The following TMTC1 variants were observed in gnomAD, a reference collection of about 807,000 sequenced individuals.
TMTC1 encodes the protein protein O-mannosyl-transferase TMTC1.
In TMTC1, 73 loss-of-function variants were observed where a neutral mutation model predicts 104.8. The ratio of observed to expected loss-of-function variants is 0.70; its 90% CI spans 0.58 to 0.85. TMTC1 has a LOEUF of 0.85. TMTC1 is among the 40% of genes least tolerant of loss of function. The probability of loss-of-function intolerance (pLI) is 0.00; values close to 1 mark genes in which losing one functional copy is unlikely to be tolerated. For synonymous variants in TMTC1, 434 were observed against 428.7 expected (o/e 1.01, Z -0.15); for missense variants, 1,035 against 1,096.1 (o/e 0.94, Z 0.79).
chr12:29,561,655 G>A (rs1945380398), intron 9 of TMTC1, among the ~76,000 whole-genome samples: 1 of 151,880 alleles, frequency 6.6e-6, no homozygotes, highest in African/African-American at 2.4e-5. Flanking sequence ...TGAATTTTAT[G>A]TCAGTTATTT....
At chr12:29,536,740 G>A (rs187640139) in intron 10 of TMTC1, among the ~76,000 whole-genome samples, 2 of 151,834 alleles carry the variant, frequency 1.3e-5, no homozygotes, top group East Asian at 3.9e-4. Context: ...TGCAGGCTGA[G>A]CTCCTAGGGT....
At position 29,572,095 on chromosome 12, in the gene TMTC1, T is replaced by C. The variant is rs1422240397; in HGVS notation, c.1532+10A>G. On this transcript the variant is annotated intron_variant, in intron 9 of 17. Transcript: ENST00000539277. ...CACCAAGGCCAACACCCTCCCTGTG[T>C]GGCGCTTACTTGAGAGCTGTTCTGT... The C allele has an allele frequency of 1.2e-6, 2 of 1,609,228 alleles. No homozygotes were observed. Among genetic ancestry groups the C allele is most frequent in the South Asian group, 2.2e-5 (2 of 90,950 alleles).
intron 11 of TMTC1, among the ~76,000 whole-genome samples, chr12:29,523,210 T>C (rs1944233307): frequency 6.6e-6 from 1 of 152,208 alleles, no homozygotes; most frequent in South Asian, 2.1e-4. Context: ...AAATTAAATG[T>C]AACAAAGTTT....
At chr12:29,746,858 T>C (rs937143809) in intron 5 of TMTC1, among the ~76,000 whole-genome samples, 1 of 152,206 alleles carries the variant, frequency 6.6e-6, no homozygotes, top group African/African-American at 2.4e-5. Flanking sequence ...TCGTTTTATG[T>C]AGAAATATCA....
At chr12:29,692,254 T>C (rs1439443104) in intron 5 of TMTC1, among the ~76,000 whole-genome samples, 1 of 145,448 alleles carries the variant, frequency 6.9e-6, no homozygotes, top group African/African-American at 2.5e-5. Context: ...TTGCTTCCCA[T>C]CAACATCATC....
At chr12:29,663,970 G>A (rs1311962258) in intron 5 of TMTC1, among the ~76,000 whole-genome samples, 1 of 151,874 alleles carries the variant, frequency 6.6e-6, no homozygotes, top group Non-Finnish European at 1.5e-5. Flanking sequence ...GGCGGATCAC[G>A]AGGTCAGGAG....
chr12:29,539,590 C>A (rs138177339), intron 10 of TMTC1, among the ~76,000 whole-genome samples: 2 of 152,196 alleles, frequency 1.3e-5, no homozygotes, highest in African/African-American at 4.8e-5. Flanking sequence ...GCTACTCCAG[C>A]GAAACTGGGT....
intron 5 of TMTC1, among the ~76,000 whole-genome samples, chr12:29,670,348 T>C (rs1331834777): frequency 6.6e-6 from 1 of 152,210 alleles, no homozygotes; most frequent in Non-Finnish European, 1.5e-5. Context: ...GGCATGGTTC[T>C]AATGCCTGTA....
intron 1 of TMTC1, among the ~76,000 whole-genome samples, chr12:29,777,544 A>G (rs1455196313): frequency 6.6e-6 from 1 of 152,164 alleles, no homozygotes; most frequent in Non-Finnish European, 1.5e-5. Context: ...GGACTCACCT[A>G]TAAAAACCCT....
intron 11 of TMTC1, chr12:29,533,245 C>A (rs1308236864): frequency 6.6e-6 from 1 of 152,000 alleles, no homozygotes; most frequent in Admixed American, 6.6e-5. Context: ...TTGTCAAATC[C>A]CCTACTTTGC....
intron 1 of TMTC1, among the ~76,000 whole-genome samples, chr12:29,771,345 A>G (rs1943589747): frequency 6.6e-6 from 1 of 152,206 alleles, no homozygotes; most frequent in Admixed American, 6.6e-5. Flanking sequence ...AATCTAGATT[A>G]AAACTGTACA....
chr12:29,554,453 C>T (rs78935556), intron 10 of TMTC1, among the ~76,000 whole-genome samples: 2,451 of 151,890 alleles, frequency 0.016, 68 homozygotes, highest in African/African-American at 0.056. Flanking sequence ...TTTAGCAAGA[C>T]GTTAGCGAGT....
At chr12:29,638,118 T>A (rs1565728616) in intron 5 of TMTC1, among the ~76,000 whole-genome samples, 1 of 152,084 alleles carries the variant, frequency 6.6e-6, no homozygotes, top group Non-Finnish European at 1.5e-5. Flanking sequence ...ACCCTCAGGC[T>A]TGGGCTCACG....
At chr12:29,773,424 AC>A (rs869232955) in intron 1 of TMTC1, among the ~76,000 whole-genome samples, 1 of 5,400 alleles carries the variant, frequency 1.9e-4, no homozygotes, top group East Asian at 0.17. Context: ...TTTAGGAAAA[AC>A]AAAACAAAAC....
intron 7 of TMTC1, among the ~76,000 whole-genome samples, chr12:29,589,775 T>C (rs1190461348): frequency 2.6e-5 from 4 of 152,200 alleles, no homozygotes; most frequent in Non-Finnish European, 4.4e-5. Flanking sequence ...CGGTAGGCAC[T>C]GTGCTAAGTG....
intron 7 of TMTC1, among the ~76,000 whole-genome samples, chr12:29,590,392 T>C (rs1368550075): frequency 6.6e-6 from 1 of 152,214 alleles, no homozygotes; most frequent in African/African-American, 2.4e-5. Context: ...AGCTTAACAA[T>C]GGATAGCCAA....
chr12:29,598,472 C>A (rs997661441), intron 7 of TMTC1, among the ~76,000 whole-genome samples: 5 of 152,206 alleles, frequency 3.3e-5, no homozygotes, highest in African/African-American at 9.6e-5. Flanking sequence ...ATCTATAGAT[C>A]ACTCTGGGCT....
intron 6 of TMTC1, among the ~76,000 whole-genome samples, chr12:29,630,814 T>G (rs1056805181): frequency 1.3e-5 from 2 of 152,230 alleles, no homozygotes; most frequent in African/African-American, 4.8e-5. Flanking sequence ...AATTTTATGT[T>G]TAACTTTTTA....
chr12:29,623,825 A>ATAAATTAAT (rs1555177663), intron 6 of TMTC1, among the ~76,000 whole-genome samples: 2 of 148,824 alleles, frequency 1.3e-5, no homozygotes, highest in Admixed American at 6.6e-5. Context: ...AAATAAATAA[A>ATAAATTAAT]TAAATTAAAT....
Sources: allele counts gnomAD v4.1 joint callset (sites outside exome capture counted in the v4.1 genomes callset), GRCh38; gene constraint gnomAD v4.1.1; transcripts MANE v1.5; gene names NCBI Gene and HGNC (gene_info 2026-07-23, HGNC 2026-07-21).